DUSP22: variants seen among roughly 807,000 people sequenced by gnomAD.
DUSP22 encodes the protein dual specificity protein phosphatase 22.
A neutral mutation model predicts 24.5 loss-of-function variants in DUSP22; 24 were observed. The observed-to-expected ratio is 0.98, with a 90% CI of 0.71 to 1.38. The LOEUF is 1.38. Among genes scored for constraint, DUSP22 ranks in the 40% most tolerant of loss-of-function variants. The probability of loss-of-function intolerance (pLI) is 0.00; values close to 1 mark genes in which losing one functional copy is unlikely to be tolerated. For missense variants in DUSP22, 330 were observed against 269.2 expected (o/e 1.23, Z -1.58); for synonymous variants, 160 against 106.4 (o/e 1.50, Z -3.10).
At chr6:347,812 C>T (rs1277247448) in intron 5 of DUSP22, among the ~76,000 whole-genome samples, 1 of 152,300 alleles carries the variant, frequency 6.6e-6, no homozygotes, top group African/African-American at 2.4e-5. Flanking sequence ...TGGGAAAGAC[C>T]TGAGGAGGGG....
At chr6:322,912 C>T (rs1473528738) in intron 3 of DUSP22, among the ~76,000 whole-genome samples, 1 of 152,372 alleles carries the variant, frequency 6.6e-6, no homozygotes, top group South Asian at 2.1e-4. Flanking sequence ...GACCCAAAGC[C>T]GGGTTAAAGG....
intron 1 of DUSP22, among the ~76,000 whole-genome samples, chr6:304,416 C>T (rs1001772283): frequency 3.9e-5 from 6 of 152,308 alleles, no homozygotes; most frequent in South Asian, 2.1e-4. Context: ...GGGTCGAAGC[C>T]GGGCCCTAAA....
In DUSP22 at chr6:292,503, C is replaced by A. The variant is rs771184537; in HGVS notation, c.-37C>A. 3.1e-6 allele frequency: 5 copies of A among 1,603,628 alleles called. No individual in the cohort carries two copies. In the African/African-American group the frequency reaches 5.4e-5, roughly 17 times the overall value. Reference sequence around the variant, plus strand: ...TAACATGCCATAGTGCGCCTGCGACCACACGGCCGGGGCGCTAGCGTTCGC... The same window carrying A: ...TAACATGCCATAGTGCGCCTGCGACAACACGGCCGGGGCGCTAGCGTTCGC... On this transcript the variant is annotated 5_prime_UTR_variant, in exon 1 of 7. Coordinates refer to ENST00000419235, the MANE Select transcript of DUSP22 (RefSeq NM_001286555.3).
intron 4 of DUSP22, chr6:338,175 C>G (rs1409410436): frequency 6.6e-6 from 1 of 152,364 alleles, no homozygotes; most frequent in African/African-American, 2.4e-5. Flanking sequence ...AACAGCAAAT[C>G]TTGTGAATAA....
At chr6:309,679 A>AACAGACACACAC (rs1554099005) in intron 2 of DUSP22, among the ~76,000 whole-genome samples, 10 of 138,550 alleles carry the variant, frequency 7.2e-5, no homozygotes, top group African/African-American at 2.6e-4. Flanking sequence ...ACTCATGTAG[A>AACAGACACACAC]ACACACACAC....
intron 3 of DUSP22, among the ~76,000 whole-genome samples, chr6:331,956 G>A (rs982310559): frequency 2.6e-5 from 4 of 152,302 alleles, no homozygotes; most frequent in African/African-American, 9.6e-5. Context: ...TTGAGCATGT[G>A]TGGGTGGCTT....
Position 350,465 on chromosome 6 carries a change from A to G in DUSP22, c.*1514A>G. ...AGTTTCTCTGAATTCCACCACAAAA[A>G]GAGACCCTGAATAAGAAGAGCAGTT... On this transcript the variant is annotated 3_prime_UTR_variant, in exon 7 of 7. Coordinates refer to ENST00000419235, the MANE Select transcript of DUSP22 (RefSeq NM_001286555.3). The G allele has an allele frequency of 8.6e-7, 1 of 1,158,572 alleles. No homozygotes were observed. The highest frequency in any genetic ancestry group is 1.1e-6 in the Non-Finnish European group (1 of 936,598). 71.8% of individuals were successfully genotyped at this position (1,158,572 alleles called of 1,614,324 possible). A position where few individuals can be genotyped will look rare whatever the true frequency, so the allele number is the denominator to read the frequency against.
At chr6:311,144 G>A (rs993363584) in intron 2 of DUSP22, among the ~76,000 whole-genome samples, 3 of 152,302 alleles carry the variant, frequency 2.0e-5, no homozygotes, top group African/African-American at 4.8e-5. Context: ...AAATAACATT[G>A]GTTAGTGCCT....
At chr6:298,245 G>A (rs903728066) in intron 1 of DUSP22, among the ~76,000 whole-genome samples, 3 of 152,182 alleles carry the variant, frequency 2.0e-5, no homozygotes, top group Admixed American at 1.3e-4. Context: ...ATGCAAACTG[G>A]TTAAGTCCAT....
chr6:335,346 G>A (rs1324697062), intron 4 of DUSP22, among the ~76,000 whole-genome samples, 183 bp downstream of exon 4: 8 of 152,308 alleles, frequency 5.3e-5, no homozygotes, highest in Admixed American at 3.3e-4. Context: ...GCTGTGGCAG[G>A]AGGCTCCTTG....
chr6:330,241 G>A (rs146813048), intron 3 of DUSP22, among the ~76,000 whole-genome samples: 263 of 152,322 alleles, frequency 1.7e-3, no homozygotes, highest in African/African-American at 5.9e-3. Context: ...TTTCCATTGC[G>A]TGGTTTCCTG....
intron 3 of DUSP22, chr6:320,313 G>A (rs1425298646): frequency 6.5e-6 from 1 of 152,910 alleles, no homozygotes; most frequent in Non-Finnish European, 1.5e-5. Flanking sequence ...TTGAGTCCCG[G>A]TGTCTGAGCA....
At chr6:302,741 G>T (rs1023922621) in intron 1 of DUSP22, among the ~76,000 whole-genome samples, 1 of 152,306 alleles carries the variant, frequency 6.6e-6, no homozygotes, top group African/African-American at 2.4e-5. Context: ...TAGAGTCACT[G>T]CTGTAAAAAG....
chr6:296,119 C>A (rs1757316789), intron 1 of DUSP22, among the ~76,000 whole-genome samples: 1 of 152,300 alleles, frequency 6.6e-6, no homozygotes, highest in Non-Finnish European at 1.5e-5. Flanking sequence ...TAGCCAAAAT[C>A]ACCTCCTCTC....
chr6:292,548 T>C lies in DUSP22; in HGVS notation c.9T>C (p.Asn3=), dbSNP rs771006070. The C allele has an allele frequency of 3.7e-6, 6 of 1,605,120 alleles. No homozygotes were observed. The South Asian group carries it at 6.6e-5, about 18-fold the overall frequency. ...GTTCGCCTTCAGCCACCATGGGGAA[T>C]GGGATGAACAAGGTAACGTCTTCCC... MG[N]GMNKILPGLY... is the part of the protein sequence containing the mutation. Residue 3 remains asparagine (N), a synonymous_variant, in exon 1 of 7, where the codon AAT becomes AAC. Coordinates refer to ENST00000419235, the MANE Select transcript of DUSP22 (RefSeq NM_001286555.3).
intron 3 of DUSP22, among the ~76,000 whole-genome samples, chr6:320,564 G>A (rs1466268207): frequency 2.0e-5 from 3 of 152,310 alleles, no homozygotes; most frequent in Admixed American, 1.3e-4. Context: ...TTGCCTTTGG[G>A]TGCCAAAGTG....
At chr6:311,796 G>GT in intron 2 of DUSP22, 84 bp from the exon 3 acceptor site, 2 of 1,309,970 alleles carry the variant, frequency 1.5e-6, no homozygotes, top group Middle Eastern at 1.9e-4. Flanking sequence ...TCATTTTGTG[G>GT]GTTTTTTTTT....
intron 4 of DUSP22, among the ~76,000 whole-genome samples, chr6:340,337 C>A (rs1759551089): frequency 6.6e-6 from 1 of 152,304 alleles, no homozygotes. Flanking sequence ...TTCCCACTTA[C>A]CTCTGGGTGG....
chr6:335,277 A>T (rs1252938965), intron 4 of DUSP22, 114 bp downstream of exon 4: 16 of 1,349,678 alleles, frequency 1.2e-5, no homozygotes, highest in Non-Finnish European at 1.7e-5. Context: ...ACCCTTGCTG[A>T]CCCTGCCAGG....
Sources: gnomAD v4.1 joint callset for allele counts (sites outside exome capture counted in the v4.1 genomes callset) on GRCh38, gnomAD v4.1.1 for gene constraint, MANE v1.5 for transcripts, NCBI Gene and HGNC (gene_info 2026-07-23, HGNC 2026-07-21) for gene names.